COL5A2: variants seen among roughly 807,000 people sequenced by gnomAD.
COL5A2 encodes collagen type V alpha 2 chain.
A neutral mutation model predicts 208.2 loss-of-function variants in COL5A2; 23 were observed. That is an observed-to-expected ratio of 0.11 (90% CI 0.08 to 0.16). COL5A2 has a LOEUF of 0.16. COL5A2 is among the 10% of genes least tolerant of loss of function. COL5A2 has a pLI of 1.00. For synonymous variants in COL5A2, 625 were observed against 628.5 expected (o/e 0.99, Z 0.08); for missense variants, 1,590 against 1,956.4 (o/e 0.81, Z 3.53).
chr2:189,413,783 A>ATTTTT, the COL5A2 span, among the ~76,000 whole-genome samples: 15 of 79,176 alleles, frequency 1.9e-4, no homozygotes, highest in South Asian at 5.4e-4. Flanking sequence ...CCTTGGCGTC[A>ATTTTT]TTTTTTTTTT....
chr2:189,217,453 C>A (rs776107581), intron 1 of COL5A2, among the ~76,000 whole-genome samples: 2 of 152,050 alleles, frequency 1.3e-5, no homozygotes, highest in African/African-American at 2.4e-5. Context: ...TTTTGGGGAT[C>A]CAACTAAGAA....
At chr2:189,386,707 C>A in the COL5A2 span, among the ~76,000 whole-genome samples, 2 of 152,008 alleles carry the variant, frequency 1.3e-5, no homozygotes, top group Non-Finnish European at 2.9e-5. Flanking sequence ...AAGTGGCCAA[C>A]AAACATATGA....
chr2:189,041,188 A>T (rs1046670364), intron 50 of COL5A2, among the ~76,000 whole-genome samples: 2 of 152,226 alleles, frequency 1.3e-5, no homozygotes, highest in Admixed American at 1.3e-4. Context: ...GAATGTTTTC[A>T]ATGGAGAAAA....
At chr2:189,284,155 C>A in the COL5A2 span, among the ~76,000 whole-genome samples, 1 of 151,926 alleles carries the variant, frequency 6.6e-6, no homozygotes, top group Non-Finnish European at 1.5e-5. Flanking sequence ...TTTTTCAAAG[C>A]AAAATAGGTA....
At chr2:189,430,876 G>C in the COL5A2 span, among the ~76,000 whole-genome samples, 1 of 152,198 alleles carries the variant, frequency 6.6e-6, no homozygotes, top group East Asian at 1.9e-4. Flanking sequence ...CCTCAAGTGG[G>C]TCCCTGACCC....
the COL5A2 span, among the ~76,000 whole-genome samples, chr2:189,350,481 G>T: frequency 2.0e-5 from 3 of 152,084 alleles, no homozygotes; most frequent in African/African-American, 7.2e-5. Flanking sequence ...ATTACATAAA[G>T]CAAAGTGTTG....
chr2:189,063,643 C>T (rs1686082324), intron 26 of COL5A2, among the ~76,000 whole-genome samples: 1 of 152,256 alleles, frequency 6.6e-6, no homozygotes, highest in African/African-American at 2.4e-5. Context: ...TTCATACCTA[C>T]TTATCTCTTA....
At chr2:189,112,190 T>C (rs1687297272) in intron 1 of COL5A2, among the ~76,000 whole-genome samples, 1 of 152,190 alleles carries the variant, frequency 6.6e-6, no homozygotes, top group South Asian at 2.1e-4. Flanking sequence ...ATACCTTTCA[T>C]AGAACAGCCA....
At chr2:189,121,736 CAAAA>C (rs3084490) in intron 1 of COL5A2, among the ~76,000 whole-genome samples, 11 of 77,700 alleles carry the variant, frequency 1.4e-4, no homozygotes, top group African/African-American at 2.0e-4. Context: ...GACTCCGTCT[CAAAA>C]AAAAAAAAAA....
At chr2:189,255,750 C>T in the COL5A2 span, among the ~76,000 whole-genome samples, 1 of 151,756 alleles carries the variant, frequency 6.6e-6, no homozygotes, top group African/African-American at 2.4e-5. Context: ...CTAACTATAA[C>T]CTAAAATGGA....
the COL5A2 span, among the ~76,000 whole-genome samples, chr2:189,337,349 A>AT: frequency 1.3e-5 from 2 of 151,176 alleles, no homozygotes; most frequent in Admixed American, 1.3e-4. Context: ...CGCCCGGCTA[A>AT]TTTTTTGTAT....
chr2:189,367,707 C>A, the COL5A2 span, among the ~76,000 whole-genome samples: 332 of 152,262 alleles, frequency 2.2e-3, no homozygotes, highest in Middle Eastern at 3.4e-3. Flanking sequence ...GTAATCCAAC[C>A]CATCACTCTA....
At chr2:189,147,690 CT>C (rs1265090314) in intron 1 of COL5A2, among the ~76,000 whole-genome samples, 4 of 152,066 alleles carry the variant, frequency 2.6e-5, no homozygotes, top group African/African-American at 9.7e-5. Flanking sequence ...ATACTGAGGG[CT>C]TCCTAGGACT....
At chr2:189,321,939 T>A in the COL5A2 span, among the ~76,000 whole-genome samples, 1 of 152,282 alleles carries the variant, frequency 6.6e-6, no homozygotes, top group Admixed American at 6.5e-5. Context: ...AAAGCACTCC[T>A]CAGCAAATGT....
chr2:189,169,218 A>G (rs1688526135), intron 1 of COL5A2, among the ~76,000 whole-genome samples: 2 of 152,194 alleles, frequency 1.3e-5, no homozygotes, highest in Non-Finnish European at 2.9e-5. Flanking sequence ...AGTTTCACAA[A>G]CTAAACTCTG....
At chr2:189,273,849 G>A in the COL5A2 span, among the ~76,000 whole-genome samples, 1 of 152,198 alleles carries the variant, frequency 6.6e-6, no homozygotes, top group South Asian at 2.1e-4. Context: ...AATTTTGGGA[G>A]CCAGGGGAAT....
chr2:189,198,762 GTAA>G (rs553365063), intron 1 of COL5A2, among the ~76,000 whole-genome samples: 233 of 152,078 alleles, frequency 1.5e-3, no homozygotes, highest in Admixed American at 2.7e-3. Context: ...ATATAGTAAG[GTAA>G]TAATAATATG....
At chr2:189,089,047 A>T (rs1339404358) in intron 7 of COL5A2, among the ~76,000 whole-genome samples, 5 of 152,126 alleles carry the variant, frequency 3.3e-5, no homozygotes, top group Non-Finnish European at 7.4e-5. Flanking sequence ...AAAAGCATGG[A>T]TTGTTCTGAT....
At chr2:189,357,949 C>T in the COL5A2 span, among the ~76,000 whole-genome samples, 1 of 151,984 alleles carries the variant, frequency 6.6e-6, no homozygotes. Flanking sequence ...ATGGCACAGC[C>T]CCTCACGGCT....
Sources: gnomAD v4.1 joint callset for allele counts (sites outside exome capture counted in the v4.1 genomes callset) on GRCh38, gnomAD v4.1.1 for gene constraint, MANE v1.5 for transcripts, NCBI Gene and HGNC (gene_info 2026-07-23, HGNC 2026-07-21) for gene names.